Variants in EYA2 observed in about 807,000 individuals in gnomAD.
EYA2 encodes the protein protein phosphatase EYA2.
In EYA2, 31 loss-of-function variants were observed where a neutral mutation model predicts 69.2. That is an observed-to-expected ratio of 0.45 (90% CI 0.34 to 0.60). The LOEUF (loss-of-function observed/expected upper bound fraction) is 0.60, where lower values mean the gene tolerates loss of function less well. Among genes scored for constraint, EYA2 ranks in the 20% least tolerant of loss-of-function variants. EYA2 has a pLI of 0.02. For missense variants in EYA2, 622 were observed against 701.2 expected (o/e 0.89, Z 1.28); for synonymous variants, 257 against 279.4 (o/e 0.92, Z 0.80).
intron 1 of EYA2, among the ~76,000 whole-genome samples, chr20:46,904,295 C>T (rs185701335): frequency 1.6e-4 from 24 of 151,630 alleles, no homozygotes; most frequent in Non-Finnish European, 2.9e-4. Flanking sequence ...TTATTACCAC[C>T]CCCATTTCTT....
chr20:47,024,240 A>G (rs1983949116), intron 5 of EYA2, among the ~76,000 whole-genome samples: 1 of 152,172 alleles, frequency 6.6e-6, no homozygotes, highest in African/African-American at 2.4e-5. Flanking sequence ...CAGTTAGGTT[A>G]CTTAGAAACT....
intron 1 of EYA2, chr20:46,978,731 G>A: frequency 1.5e-5 from 8 of 532,156 alleles, no homozygotes; most frequent in South Asian, 4.2e-5. Context: ...GGGCAGGGGG[G>A]CTGCCGTGGT....
At chr20:46,895,046 G>A (rs1406131686) in intron 1 of EYA2, 59 bp downstream of exon 1, 4 of 151,982 alleles carry the variant, frequency 2.6e-5, no homozygotes, top group South Asian at 2.1e-4. Flanking sequence ...CGGGCGGGGG[G>A]AGTTGTTCAC....
At chr20:47,012,982 T>A in intron 4 of EYA2, among the ~76,000 whole-genome samples, 1 of 152,266 alleles carries the variant, frequency 6.6e-6, no homozygotes. Context: ...AAGGCCCTCG[T>A]GCGCCTTTGC....
chr20:47,016,853 G>A (rs993090835), intron 5 of EYA2, among the ~76,000 whole-genome samples: 5 of 152,196 alleles, frequency 3.3e-5, no homozygotes, highest in East Asian at 1.9e-4. Flanking sequence ...AGAGCAAGGC[G>A]CAATCACACA....
rs1357691314 is a variant in EYA2 at position 47,074,259 on chromosome 20, G to A, written c.585G>A (p.Ser195=). ...PYVPASSICP[S]PLSTSTYVLQ... Reference sequence around the variant, plus strand: ...TCCCGGCCAGCAGCATCTGCCCTTCGCCCCTCTCCACGTCCACCTACGTCC... The same window carrying A: ...TCCCGGCCAGCAGCATCTGCCCTTCACCCCTCTCCACGTCCACCTACGTCC... Residue 195 remains serine (S), a synonymous_variant, in exon 7 of 16, where the codon TCG becomes TCA. Transcript: ENST00000327619. 30 of 1,613,708 alleles carry A rather than the reference G, an allele frequency of 1.9e-5. No homozygotes were observed. Among genetic ancestry groups the A allele is most frequent in the South Asian group, 6.6e-5 (6 of 91,058 alleles).
chr20:47,027,221 C>G, intron 5 of EYA2, among the ~76,000 whole-genome samples: 1 of 152,210 alleles, frequency 6.6e-6, no homozygotes, highest in East Asian at 1.9e-4. Flanking sequence ...GAGTCATTTC[C>G]CTATTTCTCT....
intron 1 of EYA2, among the ~76,000 whole-genome samples, chr20:46,989,252 G>C (rs1171158913): frequency 6.6e-6 from 1 of 151,894 alleles, no homozygotes; most frequent in East Asian, 1.9e-4. Context: ...GCTTTTCTCC[G>C]TCCATGCAAG....
chr20:47,093,669 C>T (rs768387848), intron 8 of EYA2, among the ~76,000 whole-genome samples: 6 of 152,246 alleles, frequency 3.9e-5, no homozygotes, highest in Non-Finnish European at 8.8e-5. Context: ...CTCTGGGCAC[C>T]AGCGCCTGCA....
intron 9 of EYA2, among the ~76,000 whole-genome samples, chr20:47,103,037 G>A (rs768095523): frequency 1.3e-5 from 2 of 152,156 alleles, no homozygotes; most frequent in African/African-American, 2.4e-5. Flanking sequence ...CTTCTAGGCA[G>A]CCCACTACCA....
At chr20:47,145,570 CCT>C (rs2033683181) in intron 10 of EYA2, among the ~76,000 whole-genome samples, 1 of 152,112 alleles carries the variant, frequency 6.6e-6, no homozygotes, top group Non-Finnish European at 1.5e-5. Flanking sequence ...GTTAAAAAGA[CCT>C]CTCTGGCTGC....
intron 9 of EYA2, among the ~76,000 whole-genome samples, chr20:47,101,159 C>T (rs938079649): frequency 6.6e-6 from 1 of 152,174 alleles, no homozygotes; most frequent in Non-Finnish European, 1.5e-5. Context: ...AATCATAGCT[C>T]ACTGTAACCT....
chr20:47,018,422 T>C (rs1983540568), intron 5 of EYA2, among the ~76,000 whole-genome samples: 1 of 152,180 alleles, frequency 6.6e-6, no homozygotes, highest in Non-Finnish European at 1.5e-5. Context: ...TGGACAGTAA[T>C]CAATTGACAA....
At chr20:46,989,269 C>T (rs138855383) in intron 1 of EYA2, among the ~76,000 whole-genome samples, 2 of 151,954 alleles carry the variant, frequency 1.3e-5, no homozygotes, top group South Asian at 2.1e-4. Context: ...CAAGTAGTAC[C>T]GTGTTTGTTT....
At chr20:46,935,601 T>G (rs6094515) in intron 1 of EYA2, among the ~76,000 whole-genome samples, 30,114 of 151,994 alleles carry the variant, frequency 0.2, 4,057 homozygotes, top group East Asian at 0.42. Flanking sequence ...TGTGACCTTG[T>G]GCACATGACG....
intron 9 of EYA2, among the ~76,000 whole-genome samples, chr20:47,141,364 C>G (rs1568804124): frequency 6.6e-6 from 1 of 152,154 alleles, no homozygotes; most frequent in Non-Finnish European, 1.5e-5. Context: ...ACCTGGGGAG[C>G]TTTAAACTTC....
intron 3 of EYA2, among the ~76,000 whole-genome samples, chr20:47,003,441 G>A (rs552772789): frequency 6.6e-6 from 1 of 152,358 alleles, no homozygotes; most frequent in South Asian, 2.1e-4. Flanking sequence ...TCGGTCTCAA[G>A]AGGTGGCTGC....
At chr20:47,110,675 T>C (rs1352726010) in intron 9 of EYA2, among the ~76,000 whole-genome samples, 1 of 152,228 alleles carries the variant, frequency 6.6e-6, no homozygotes, top group African/African-American at 2.4e-5. Flanking sequence ...TTTATCCCAA[T>C]ACCCAGCACA....
rs764581554 is a variant in EYA2, at chr20:47,183,336, A to C, written c.1481A>C (p.Lys494Thr). ...FERIMQRFGR[K>T]AVYVVIGDGV... is the part of the protein sequence containing the mutation. ...AGGATAATGCAGAGATTCGGCAGAA[A>C]AGCTGTCTACGTGGTGATCGGTGAT... The change falls in exon 15 of 16, where the codon AAA (lysine) becomes ACA (threonine). Residue 494 changes from lysine (K) to threonine (T), a missense_variant. By Grantham distance (78) the Lys-to-Thr change is moderately conservative (BLOSUM62 -1). Transcript: ENST00000327619. The C allele has an allele frequency of 6.2e-7, 1 of 1,614,118 alleles. No individual in the cohort carries two copies. Among genetic ancestry groups the C allele is most frequent in the South Asian group, 1.1e-5 (1 of 91,066 alleles).
Sources: allele counts gnomAD v4.1 joint callset (sites outside exome capture counted in the v4.1 genomes callset), GRCh38; gene constraint gnomAD v4.1.1; transcripts MANE v1.5; gene names NCBI Gene and HGNC (gene_info 2026-07-23, HGNC 2026-07-21).